SLC22A23: variants seen among roughly 807,000 people sequenced by gnomAD.
The protein encoded by SLC22A23 is ion transporter protein.
In SLC22A23, 26 loss-of-function variants were observed where a neutral mutation model predicts 61.0. That is an observed-to-expected ratio of 0.43 (90% CI 0.31 to 0.59). The LOEUF is 0.59. Among genes scored for constraint, SLC22A23 ranks in the 20% least tolerant of loss-of-function variants. The probability of loss-of-function intolerance (pLI) is 0.11; values close to 1 mark genes in which losing one functional copy is unlikely to be tolerated. For missense variants in SLC22A23, 796 were observed against 934.7 expected (o/e 0.85, Z 1.94); for synonymous variants, 430 against 413.9 (o/e 1.04, Z -0.47).
chr6:3,280,922 A>G (rs970854856), intron 9 of SLC22A23, among the ~76,000 whole-genome samples: 2 of 152,104 alleles, frequency 1.3e-5, no homozygotes, highest in Non-Finnish European at 2.9e-5. Flanking sequence ...GGGAGTCGTC[A>G]GTCAGGGAGT....
chr6:3,423,627 G>A (rs1168323154), intron 1 of SLC22A23, among the ~76,000 whole-genome samples: 1 of 152,146 alleles, frequency 6.6e-6, no homozygotes, highest in Non-Finnish European at 1.5e-5. Context: ...AGGAAGGAAG[G>A]AACCCCACAG....
chr6:3,283,260 C>T (rs1346449790), intron 9 of SLC22A23, among the ~76,000 whole-genome samples: 1 of 152,118 alleles, frequency 6.6e-6, no homozygotes, highest in East Asian at 1.9e-4. Flanking sequence ...GGTGAAACCA[C>T]GTCTCTACTA....
chr6:3,437,042 C>T (rs2127545923), intron 1 of SLC22A23, among the ~76,000 whole-genome samples: 1 of 152,316 alleles, frequency 6.6e-6, no homozygotes, highest in East Asian at 1.9e-4. Context: ...GTCATTTCAG[C>T]TTCGCAAAAA....
In SLC22A23 at chr6:3,309,476, G is replaced by T. The variant is rs930571737; in HGVS notation, c.1083-11258C>A. ...GCTGAGAAAGCCCCAGGCCACTAAC[G>T]CTGGGCAGAGGCCTCAGAGCAGGGT... On this transcript the variant is annotated intron_variant, in intron 4 of 9. Transcript: ENST00000406686. The surrounding 1 kb of genome is among the most constrained non-coding windows in gnomAD (Gnocchi z 4.7). Among the ~76,000 whole-genome samples the T allele has an allele frequency of 6.6e-6, 1 of 152,172 alleles. No homozygotes were observed. The highest frequency in any genetic ancestry group is 6.5e-5 in the Admixed American group (1 of 15,284).
At chr6:3,285,213 T>C (rs1759873876) in intron 7 of SLC22A23, 102 bp from the exon 8 acceptor site, 6 of 1,518,436 alleles carry the variant, frequency 4.0e-6, no homozygotes, top group African/African-American at 1.4e-5. Context: ...CGTGTTCCCA[T>C]GCGACTTGGT....
chr6:3,295,047 T>C (rs1021865232), intron 5 of SLC22A23, among the ~76,000 whole-genome samples: 4 of 151,630 alleles, frequency 2.6e-5, no homozygotes, highest in African/African-American at 9.7e-5. Flanking sequence ...GTTTAGCCCA[T>C]AAATATTCAT....
intron 9 of SLC22A23, among the ~76,000 whole-genome samples, chr6:3,275,295 C>G (rs1486566609): frequency 1.3e-5 from 2 of 152,116 alleles, no homozygotes; most frequent in East Asian, 3.9e-4. Flanking sequence ...CCCTTCACAT[C>G]ATGTAAAAAA....
At chr6:3,284,047 C>T (rs923851828) in intron 8 of SLC22A23, 72 bp from the exon 9 acceptor site, 2 of 1,460,034 alleles carry the variant, frequency 1.4e-6, no homozygotes, top group Non-Finnish European at 1.9e-6. Context: ...AGGCCTGGGG[C>T]TGCACAGCAC....
rs574704294 is a variant in SLC22A23 at position 3,378,657 on chromosome 6, CTT to C, written c.913+31529_913+31530del. 7.6e-3 allele frequency among the ~76,000 whole-genome samples: 903 copies of C among 119,058 alleles called. 5 individuals carry two copies. Among genetic ancestry groups the C allele is most frequent in the African/African-American group, 0.026 (837 of 32,148 alleles). The allele number at this position is 119,058 out of a possible 152,430, so 78.1% of individuals were successfully genotyped here. On this transcript the variant is annotated intron_variant, in intron 3 of 9. Coordinates refer to ENST00000406686, the MANE Select transcript of SLC22A23 (RefSeq NM_015482.2). ...AGACTTTTTTTTTCTTTTCTTTTTT[CTT>C]TTTTTTTTTTTTTTTGAGATGGAGT... is the stretch of plus-strand genomic sequence containing the variant.
chr6:3,348,628 G>A (rs1013663058), intron 3 of SLC22A23, among the ~76,000 whole-genome samples: 7 of 152,120 alleles, frequency 4.6e-5, no homozygotes, highest in African/African-American at 7.2e-5. Context: ...CACGGAGCTG[G>A]GTGTGGTGCC....
chr6:3,413,395 G>C lies in SLC22A23; in HGVS notation c.758+2357C>G, dbSNP rs928961924. ...CTGGTGCTCCCCACTGGCCACACTC[G>C]GCCAGGAGCTGGCGGGCAAGGGGTC... On this transcript the variant is annotated intron_variant, in intron 2 of 9. Transcript: ENST00000406686. 2.6e-5 allele frequency among the ~76,000 whole-genome samples: 4 copies of C among 152,180 alleles called. No homozygotes were observed. The East Asian group carries it at 7.7e-4, about 29-fold the overall frequency.
intron 3 of SLC22A23, among the ~76,000 whole-genome samples, chr6:3,378,645 CTTTTCTT>C (rs1248895984): frequency 4.6e-5 from 6 of 130,364 alleles, no homozygotes; most frequent in Admixed American, 7.9e-5. Context: ...CTTTTTTTTT[CTTTTCTT>C]TTTTCTTTTT....
intron 1 of SLC22A23, among the ~76,000 whole-genome samples, chr6:3,424,140 G>A (rs1330084012): frequency 1.3e-5 from 2 of 152,192 alleles, no homozygotes; most frequent in Non-Finnish European, 1.5e-5. Context: ...AGAGCCAGGG[G>A]TGGCTGCCCC....
intron 4 of SLC22A23, among the ~76,000 whole-genome samples, chr6:3,320,417 A>G (rs1355797115): frequency 6.6e-6 from 1 of 152,088 alleles, no homozygotes; most frequent in African/African-American, 2.4e-5. Context: ...CTTGGTTTCC[A>G]GTCCTTGTTA....
At chr6:3,434,264 G>C (rs1016788000) in intron 1 of SLC22A23, among the ~76,000 whole-genome samples, 3 of 152,080 alleles carry the variant, frequency 2.0e-5, no homozygotes, top group Non-Finnish European at 4.4e-5. Context: ...AGTGAGCTGA[G>C]ATCACGCCAC....
At chr6:3,295,143 C>T (rs369113375) in intron 5 of SLC22A23, among the ~76,000 whole-genome samples, 5 of 152,382 alleles carry the variant, frequency 3.3e-5, no homozygotes, top group East Asian at 3.9e-4. Flanking sequence ...ACGGGCCCTG[C>T]CTTGCCTGGC....
intron 9 of SLC22A23, among the ~76,000 whole-genome samples, chr6:3,281,374 G>A (rs568256172): frequency 6.6e-6 from 1 of 152,344 alleles, no homozygotes; most frequent in South Asian, 2.1e-4. Context: ...TAGTTAACTT[G>A]GCCTCTATCA....
At position 3,324,638 on chromosome 6, in the gene SLC22A23, T is replaced by C. The variant is rs896849950; in HGVS notation, c.914-636A>G. ...AACAATAAGGCTGACTCAGATCATATAGCAATGACCCTACCAGAAAGCCCC... is the reference window on the plus strand; with the variant it reads ...AACAATAAGGCTGACTCAGATCATACAGCAATGACCCTACCAGAAAGCCCC... On this transcript the variant is annotated intron_variant, in intron 3 of 9. Transcript: ENST00000406686. This position sits in a 1 kb window ranked among gnomAD's most constrained non-coding sequence, Gnocchi z 4.3. Among the ~76,000 whole-genome samples, 2 of 152,310 alleles carry C rather than the reference T, an allele frequency of 1.3e-5. No homozygotes were observed. The highest frequency in any genetic ancestry group is 2.4e-5 in the African/African-American group (1 of 41,568).
At chr6:3,331,911 T>C (rs1763600245) in intron 3 of SLC22A23, among the ~76,000 whole-genome samples, 1 of 152,182 alleles carries the variant, frequency 6.6e-6, no homozygotes, top group South Asian at 2.1e-4. Flanking sequence ...CAGGGTGGCT[T>C]TAAGGTGGAG....
Sources: allele counts gnomAD v4.1 joint callset (sites outside exome capture counted in the v4.1 genomes callset), GRCh38; gene constraint gnomAD v4.1.1; non-coding constraint Gnocchi (gnomAD v3.1); transcripts MANE v1.5; gene names NCBI Gene and HGNC (gene_info 2026-07-23, HGNC 2026-07-21).